Variants in TPM3 observed in about 807,000 individuals in gnomAD.
TPM3 encodes the protein tropomyosin 3, also known as tropomyosin alpha-3 chain.
Under a neutral mutation model 43.1 loss-of-function variants are expected in TPM3, and 16 were observed. The ratio of observed to expected loss-of-function variants is 0.37; its 90% CI spans 0.25 to 0.56. The LOEUF is 0.56. Among genes scored for constraint, TPM3 ranks in the 20% least tolerant of loss-of-function variants. The pLI is 0.77. For synonymous variants in TPM3, 101 were observed against 116.9 expected, an observed-to-expected ratio of 0.86 and a Z score of 0.88; for missense variants, 176 against 337.2, an observed-to-expected ratio of 0.52 and a Z score of 3.74.
chr1:154,187,309 C>T lies in TPM3; in HGVS notation c.243+3877G>A, dbSNP rs1663451128. 7.1e-6 allele frequency: 7 copies of T among 984,466 alleles called. No individual in the cohort carries two copies. The South Asian group carries it at 3.3e-4, about 46-fold the overall frequency. 61.0% of individuals were successfully genotyped at this position (984,466 alleles called of 1,614,324 possible). A position where few individuals can be genotyped will look rare whatever the true frequency, so the allele number is the denominator to read the frequency against. On this transcript the variant is annotated intron_variant, in intron 2 of 9. Coordinates refer to ENST00000651641, the MANE Select transcript of TPM3 (RefSeq NM_152263.4). Reference sequence around the variant, plus strand: ...AAACCAGGCTGTTGCAAGATTTAACCCACAGGTGGTAGTTTGCTGACTCTA... The same window carrying T: ...AAACCAGGCTGTTGCAAGATTTAACTCACAGGTGGTAGTTTGCTGACTCTA...
At chr1:154,183,991 C>G (rs1488619907) in intron 2 of TPM3, among the ~76,000 whole-genome samples, 2 of 151,606 alleles carry the variant, frequency 1.3e-5, no homozygotes, top group Non-Finnish European at 2.9e-5. Context: ...TCCGGTGTAG[C>G]TGGGACTACA....
Position 154,166,913 on chromosome 1 carries a change from C to T in TPM3, c.*1024G>A, listed in dbSNP as rs991334835. ...GGCCGAGCTGGTCTCGAACTCATGA[C>T]CTCAGGTGATCCACCTGCCCCAGCC... On this transcript the variant is annotated 3_prime_UTR_variant, in exon 10 of 10. Transcript: ENST00000651641. Among the ~76,000 whole-genome samples the T allele has an allele frequency of 6.6e-6, 1 of 152,136 alleles. No homozygotes were observed. The highest frequency in any genetic ancestry group is 1.5e-5 in the Non-Finnish European group (1 of 68,020).
rs2148219652 is a variant in TPM3 at position 154,167,348 on chromosome 1, T to C, written c.*589A>G. On this transcript the variant is annotated 3_prime_UTR_variant, in exon 10 of 10. Coordinates refer to ENST00000651641, the MANE Select transcript of TPM3 (RefSeq NM_152263.4). ...ACTGGGTGTTCTGAGGATGCACCAT[T>C]TGAACCACCGGTAAAAGGGTACAGA... 2 of 1,057,892 alleles carry C rather than the reference T, an allele frequency of 1.9e-6. No individual in the cohort carries two copies. The highest frequency in any genetic ancestry group is 2.3e-6 in the Non-Finnish European group (2 of 874,824). 65.5% of individuals were successfully genotyped at this position (1,057,892 alleles called of 1,614,324 possible). A position where few individuals can be genotyped will look rare whatever the true frequency, so the allele number is the denominator to read the frequency against.
At chr1:154,181,415 G>A (rs1662931576) in intron 2 of TPM3, among the ~76,000 whole-genome samples, 1 of 151,856 alleles carries the variant, frequency 6.6e-6, no homozygotes, top group African/African-American at 2.4e-5. Context: ...ACTTACCAAG[G>A]GAAAGAACAA....
chr1:154,181,573 T>C (rs994731864), intron 2 of TPM3, among the ~76,000 whole-genome samples: 27 of 152,198 alleles, frequency 1.8e-4, no homozygotes, highest in African/African-American at 6.3e-4. Flanking sequence ...GAAAATCTTA[T>C]GGCTTACACT....
At chr1:154,160,904 T>C (rs1220996303), downstream of TPM3, among the ~76,000 whole-genome samples, 1 of 151,820 alleles carries the variant, frequency 6.6e-6, no homozygotes, top group Non-Finnish European at 1.5e-5. Context: ...TGTGTTTGTG[T>C]GTGTGTGTAT....
chr1:154,174,260 G>A (rs970849213), intron 3 of TPM3, among the ~76,000 whole-genome samples: 5 of 150,002 alleles, frequency 3.3e-5, no homozygotes, highest in Non-Finnish European at 5.9e-5. Context: ...GCTTGAACCC[G>A]GGAGGTGGAG....
At chr1:154,158,182 G>A (rs934253867), downstream of TPM3, among the ~76,000 whole-genome samples, 8 of 152,156 alleles carry the variant, frequency 5.3e-5, no homozygotes, top group African/African-American at 1.9e-4. Context: ...AAAAAGTAGA[G>A]GCCAAAGTAA....
rs1227265842 is a variant in TPM3, at chr1:154,165,912, C to T, written c.*2025G>A. 6.6e-6 allele frequency among the ~76,000 whole-genome samples: 1 copy of T among 152,132 alleles called. No individual in the cohort carries two copies. Among genetic ancestry groups the T allele is most frequent in the Non-Finnish European group, 1.5e-5 (1 of 68,028 alleles). On this transcript the variant is annotated 3_prime_UTR_variant, in exon 10 of 10. Transcript: ENST00000651641. ...ACTAGGATCAATCTCGTCCCCTCTACTCAATTCCCATAACACTATTATTTG... is the reference window on the plus strand; with the variant it reads ...ACTAGGATCAATCTCGTCCCCTCTATTCAATTCCCATAACACTATTATTTG...
At position 154,171,403 on chromosome 1, in the gene TPM3, C is replaced by A. The variant is rs753693280; in HGVS notation, c.642+10G>T. 1.1e-5 allele frequency: 18 copies of A among 1,614,120 alleles called. No individual in the cohort carries two copies. ...CCCAAAGCCTGTCACTTTCACAAAC[C>A]AGCCCCTACCTTCTCCGCCTGAGCC... is the stretch of plus-strand genomic sequence containing the variant. On this transcript the variant is annotated intron_variant, in intron 6 of 9. Coordinates refer to ENST00000651641, the MANE Select transcript of TPM3 (RefSeq NM_152263.4).
At chr1:154,191,876 T>C (rs372590672) in intron 1 of TPM3, 26 bp downstream of exon 1, 19 of 1,594,884 alleles carry the variant, frequency 1.2e-5, no homozygotes, top group Non-Finnish European at 1.6e-5. Flanking sequence ...CACTAGCAGA[T>C]GAGAGAGATC....
Position 154,163,194 on chromosome 1 carries a change from T to C in TPM3, c.*4743A>G, listed in dbSNP as rs1660563314. Among the ~76,000 whole-genome samples, 1 of 152,100 alleles carries C rather than the reference T, an allele frequency of 6.6e-6. No homozygotes were observed. Among genetic ancestry groups the C allele is most frequent in the Admixed American group, 6.5e-5 (1 of 15,270 alleles). On this transcript the variant is annotated 3_prime_UTR_variant, in exon 10 of 10. Coordinates refer to ENST00000651641, the MANE Select transcript of TPM3 (RefSeq NM_152263.4). The stretch of plus-strand genomic sequence containing the variant: ...GAATATTTAGAAATGCATTGTCCAA[T>C]ATAATAGCCACTAGCCACAGGTAGC...
intron 9 of TPM3, 116 bp downstream of exon 9, chr1:154,169,189 A>G: frequency 9.2e-7 from 1 of 1,088,068 alleles, no homozygotes; most frequent in East Asian, 2.4e-5. Flanking sequence ...TTCAAAGATA[A>G]GGGTGGAGAT....
intron 8 of TPM3, 92 bp from the exon 9 acceptor site, chr1:154,169,475 A>T (rs1323275402): frequency 3.0e-6 from 4 of 1,332,610 alleles, no homozygotes; most frequent in Non-Finnish European, 4.3e-6. Flanking sequence ...AGAAATTAGG[A>T]AAGTGTGACT....
intron 2 of TPM3, among the ~76,000 whole-genome samples, chr1:154,190,825 A>T (rs1045163630): frequency 6.6e-6 from 1 of 152,244 alleles, no homozygotes; most frequent in African/African-American, 2.4e-5. Context: ...AGACTTGGAC[A>T]TAAAAGCTAA....
rs1156254433 is a variant in TPM3, at chr1:154,165,589, G to A, written c.*2348C>T. ...GGATCACTTGAGGTCAGGAGTTCCAGACCAGCCTGGCCAACATGGTGAAAC... is the reference window on the plus strand; with the variant it reads ...GGATCACTTGAGGTCAGGAGTTCCAAACCAGCCTGGCCAACATGGTGAAAC... On this transcript the variant is annotated 3_prime_UTR_variant, in exon 10 of 10. Coordinates refer to ENST00000651641, the MANE Select transcript of TPM3 (RefSeq NM_152263.4). Among the ~76,000 whole-genome samples the A allele has an allele frequency of 6.6e-6, 1 of 151,864 alleles. No individual in the cohort carries two copies. Among genetic ancestry groups the A allele is most frequent in the African/African-American group, 2.4e-5 (1 of 41,330 alleles).
intron 3 of TPM3, among the ~76,000 whole-genome samples, chr1:154,175,606 A>G (rs1363235188): frequency 6.6e-6 from 1 of 152,210 alleles, no homozygotes; most frequent in Non-Finnish European, 1.5e-5. Flanking sequence ...CAAGTTCCCA[A>G]GTATTGCTGA....
intron 3 of TPM3, among the ~76,000 whole-genome samples, chr1:154,174,150 T>C (rs962379632): frequency 2.7e-5 from 4 of 150,936 alleles, no homozygotes; most frequent in African/African-American, 9.7e-5. Context: ...CTGGTCAACA[T>C]GGCAAAACCC....
In TPM3 at chr1:154,191,331, C is replaced by T; in HGVS notation, c.118-20G>A. 1 of 1,613,628 alleles carries T rather than the reference C, an allele frequency of 6.2e-7. No individual in the cohort carries two copies. Among genetic ancestry groups the T allele is most frequent in the Non-Finnish European group, 8.5e-7 (1 of 1,180,010 alleles). ...CTCCAGCTATAGGAGCCCAGAGAGTCACACACAAAAACACACAAACACAAC... is the reference window on the plus strand; with the variant it reads ...CTCCAGCTATAGGAGCCCAGAGAGTTACACACAAAAACACACAAACACAAC... On this transcript the variant is annotated intron_variant, in intron 1 of 9. Transcript: ENST00000651641.
Sources: allele counts gnomAD v4.1 joint callset (sites outside exome capture counted in the v4.1 genomes callset), GRCh38; gene constraint gnomAD v4.1.1; transcripts MANE v1.5; gene names NCBI Gene and HGNC (gene_info 2026-07-23, HGNC 2026-07-21).